TPRG1: variants seen among roughly 807,000 people sequenced by gnomAD.
TPRG1 encodes tumor protein p63 regulated 1, also known as tumor protein p63-regulated gene 1 protein.
TPRG1 carries 29 observed loss-of-function variants against 29.3 expected under a neutral mutation model. The ratio of observed to expected loss-of-function variants is 0.99; its 90% CI spans 0.74 to 1.35. The LOEUF (loss-of-function observed/expected upper bound fraction) is 1.35, where lower values mean the gene tolerates loss of function less well. Ranked by LOEUF, TPRG1 falls within the 40% of genes most tolerant of loss-of-function variation. The probability of loss-of-function intolerance (pLI) is 0.00; values close to 1 mark genes in which losing one functional copy is unlikely to be tolerated. For missense variants in TPRG1, 327 were observed against 335.0 expected (o/e 0.98, Z 0.19); for synonymous variants, 130 against 116.8 (o/e 1.11, Z -0.73).
intron 3 of TPRG1, among the ~76,000 whole-genome samples, chr3:189,008,853 T>C (rs563849832): frequency 1.4e-4 from 22 of 152,248 alleles, no homozygotes; most frequent in African/African-American, 5.3e-4. Flanking sequence ...CAATAAAATA[T>C]TGTCTCTGTT....
At chr3:189,007,835 G>A (rs1441639954) in intron 3 of TPRG1, among the ~76,000 whole-genome samples, 4 of 138,694 alleles carry the variant, frequency 2.9e-5, no homozygotes, top group Non-Finnish European at 6.1e-5. Context: ...CTCATAGGTG[G>A]GAATTGAACA....
intron 1 of TPRG1, among the ~76,000 whole-genome samples, chr3:189,189,973 G>T (rs1236854913): frequency 6.6e-6 from 1 of 152,144 alleles, no homozygotes; most frequent in East Asian, 1.9e-4. Flanking sequence ...ATTATAGACT[G>T]GCTATAGCCC....
chr3:189,116,981 A>C (rs1721253292), intron 1 of TPRG1, among the ~76,000 whole-genome samples: 1 of 152,214 alleles, frequency 6.6e-6, no homozygotes. Context: ...AAATACTAAA[A>C]AAAATTTTCT....
chr3:189,253,032 A>C lies in TPRG1; in HGVS notation c.479+14123A>C, dbSNP rs558353182. Among the ~76,000 whole-genome samples, 4 of 151,938 alleles carry C rather than the reference A, an allele frequency of 2.6e-5. No homozygotes were observed. In the South Asian group the frequency reaches 8.3e-4, roughly 32 times the overall value. ...GTTTTTGATATTATTTATCATCTCA[A>C]CCTATATTTTCTTTTCCTTTTTTTA... On this transcript the variant is annotated intron_variant, in intron 4 of 5. Transcript: ENST00000345063.
chr3:189,002,566 T>A lies in TPRG1; in HGVS notation c.-878+1655T>A, dbSNP rs990057792. ...CATATAGCGTATGAATTCACAGAGT[T>A]GGAAGAACCTTTATATGCAGCATCC... On this transcript the variant is annotated intron_variant, in intron 2 of 10. Coordinates refer to the TPRG1 transcript ENST00000433971. 8.5e-5 allele frequency among the ~76,000 whole-genome samples: 13 copies of A among 152,296 alleles called. No individual in the cohort carries two copies. In the South Asian group the frequency reaches 2.7e-3, roughly 32 times the overall value.
chr3:189,160,131 G>C (rs79735395), intron 5 of TPRG1, among the ~76,000 whole-genome samples: 3 of 152,092 alleles, frequency 2.0e-5, no homozygotes, highest in Non-Finnish European at 4.4e-5. Context: ...CAGCCCTCCC[G>C]GAAGCTTAAG....
In TPRG1 at chr3:189,262,246, GTATAAGTA is replaced by G. The variant is rs1713227008; in HGVS notation, c.479+23340_479+23347del. Among the ~76,000 whole-genome samples, 4 of 151,836 alleles carry G rather than the reference GTATAAGTA, an allele frequency of 2.6e-5. 1 individual carries two copies. Among genetic ancestry groups the G allele is most frequent in the African/African-American group, 9.7e-5 (4 of 41,336 alleles). ...AGTATAAGTATAAGTATAAGTATAA[GTATAAGTA>G]TAAGACTTGGTAGAAGTATATGAAG... is the stretch of plus-strand genomic sequence containing the variant. On this transcript the variant is annotated intron_variant, in intron 4 of 5. Coordinates refer to ENST00000345063, the MANE Select transcript of TPRG1 (RefSeq NM_198485.4).
At chr3:189,183,308 T>C (rs1730485863) in intron 1 of TPRG1, among the ~76,000 whole-genome samples, 1 of 152,130 alleles carries the variant, frequency 6.6e-6, no homozygotes, top group Non-Finnish European at 1.5e-5. Flanking sequence ...AGAGATCACA[T>C]ACTTCACAAG....
In TPRG1 at chr3:189,238,785, A is replaced by G. The variant is rs1351534730; in HGVS notation, c.355A>G (p.Thr119Ala). ...KERILLVTDK[T>A]LLICKYDFIM... Reference sequence around the variant, plus strand: ...GAGAATTCTACTGGTCACAGACAAGACTCTCTTGATCTGCAAATACGACTT... The same window carrying G: ...GAGAATTCTACTGGTCACAGACAAGGCTCTCTTGATCTGCAAATACGACTT... The change falls in exon 4 of 6, where the codon ACT becomes GCT. Residue 119 changes from threonine (T) to alanine (A), a missense_variant. Thr to Ala is a moderately conservative substitution (Grantham distance 58, BLOSUM62 0). Transcript: ENST00000345063. 2 of 1,613,546 alleles carry G rather than the reference A, an allele frequency of 1.2e-6. No individual in the cohort carries two copies.
intron 5 of TPRG1, among the ~76,000 whole-genome samples, chr3:189,165,451 C>G (rs1245990454): frequency 2.1e-5 from 2 of 95,254 alleles, no homozygotes; most frequent in East Asian, 6.4e-4. Flanking sequence ...TGCATAACAG[C>G]CATCTGGCAA....
intron 4 of TPRG1, among the ~76,000 whole-genome samples, chr3:189,065,827 A>T (rs183413683): frequency 7.4e-4 from 113 of 152,284 alleles, no homozygotes; most frequent in African/African-American, 2.6e-3. Context: ...GCTAAGAAAA[A>T]AAAAGGCACA....
intron 1 of TPRG1, among the ~76,000 whole-genome samples, chr3:189,116,900 C>A (rs1410889117): frequency 6.6e-6 from 1 of 152,004 alleles, no homozygotes; most frequent in African/African-American, 2.4e-5. Flanking sequence ...GAAGTGTACA[C>A]CTAAAAGTGG....
upstream of TPRG1, among the ~76,000 whole-genome samples, chr3:189,170,419 C>T (rs1728677288): frequency 6.6e-6 from 1 of 152,192 alleles, no homozygotes; most frequent in Non-Finnish European, 1.5e-5. Context: ...GAAATCCTGG[C>T]TCTTCTTAAC....
intron 1 of TPRG1, among the ~76,000 whole-genome samples, chr3:189,111,058 C>T (rs1318029929): frequency 2.0e-5 from 3 of 151,208 alleles, no homozygotes; most frequent in African/African-American, 7.3e-5. Context: ...ATTCTTTTTT[C>T]TCTGCCTTTC....
Position 189,070,545 on chromosome 3 carries a change from A to G in TPRG1, c.-463+46599A>G, listed in dbSNP as rs1020362736. Among the ~76,000 whole-genome samples, 4 of 152,332 alleles carry G rather than the reference A, an allele frequency of 2.6e-5. 1 individual carries two copies. The highest frequency in any genetic ancestry group is 4.1e-4 in the South Asian group (2 of 4,824). ...TTTTGCAAAATGTTACCACTGGAGA[A>G]ACTGGGTAAGGTTTCTTAAGGATAT... On this transcript the variant is annotated intron_variant, in intron 4 of 10. Transcript: ENST00000433971.
chr3:189,109,915 A>C (rs1350222319), intron 1 of TPRG1, among the ~76,000 whole-genome samples: 1 of 152,162 alleles, frequency 6.6e-6, no homozygotes, highest in African/African-American at 2.4e-5. Flanking sequence ...TAAACTATTA[A>C]GCCCTATGAA....
At position 189,103,376 on chromosome 3, in the gene TPRG1, T is replaced by C. The variant is rs547991251; in HGVS notation, c.-744+3172T>C. The stretch of plus-strand genomic sequence containing the variant: ...ATTACTGTGCATCACTATTACAAAA[T>C]TCTTAGCCAGAGATGCCAGACCCTG... On this transcript the variant is annotated intron_variant, in intron 1 of 6. Coordinates refer to the TPRG1 transcript ENST00000412373. 2.2e-3 allele frequency among the ~76,000 whole-genome samples: 334 copies of C among 152,262 alleles called. 3 individuals carry two copies. The highest frequency in any genetic ancestry group is 7.8e-3 in the African/African-American group (325 of 41,554).
chr3:189,082,824 G>A (rs1472591210), intron 4 of TPRG1, among the ~76,000 whole-genome samples: 2 of 152,166 alleles, frequency 1.3e-5, no homozygotes, highest in Non-Finnish European at 2.9e-5. Context: ...ATATTTGACT[G>A]CTGATAATAT....
intron 1 of TPRG1, among the ~76,000 whole-genome samples, chr3:189,178,400 G>A (rs896488146): frequency 4.7e-4 from 71 of 152,230 alleles, no homozygotes; most frequent in Non-Finnish European, 7.2e-4. Context: ...ATGGTGATGC[G>A]CATCTGTAGT....
Sources: allele counts gnomAD v4.1 joint callset (sites outside exome capture counted in the v4.1 genomes callset), GRCh38; gene constraint gnomAD v4.1.1; transcripts MANE v1.5; gene names NCBI Gene and HGNC (gene_info 2026-07-23, HGNC 2026-07-21).